ZFP64: variants seen among roughly 807,000 people sequenced by gnomAD.
The protein encoded by ZFP64 is zinc finger protein 64.
Under a neutral mutation model 51.6 loss-of-function variants are expected in ZFP64, and 14 were observed. The ratio of observed to expected loss-of-function variants is 0.27; its 90% CI spans 0.18 to 0.42. The LOEUF is 0.42. Ranked by LOEUF, ZFP64 falls within the 10% of genes least tolerant of loss-of-function variation. The probability of loss-of-function intolerance (pLI) is 1.00; values close to 1 mark genes in which losing one functional copy is unlikely to be tolerated. For missense variants in ZFP64, 754 were observed against 906.8 expected (o/e 0.83, Z 2.16); for synonymous variants, 375 against 361.4 (o/e 1.04, Z -0.43).
chr20:52,186,728 C>A, intron 2 of ZFP64, 104 bp downstream of exon 2: 1 of 1,475,730 alleles, frequency 6.8e-7, no homozygotes, highest in Non-Finnish European at 9.1e-7. Context: ...ATCAGCAACC[C>A]TAGGGGGTGG....
At chr20:52,144,734 A>G (rs1371246895) in intron 5 of ZFP64, among the ~76,000 whole-genome samples, 1 of 151,920 alleles carries the variant, frequency 6.6e-6, no homozygotes, top group Non-Finnish European at 1.5e-5. Flanking sequence ...CTAAAAATAC[A>G]ACAATAAAAA....
At chr20:52,098,994 T>A (rs181619449) in intron 5 of ZFP64, among the ~76,000 whole-genome samples, 1 of 135,284 alleles carries the variant, frequency 7.4e-6, no homozygotes, top group Non-Finnish European at 1.5e-5. Flanking sequence ...AGAGCAAGAC[T>A]CTGTCTTTAC....
chr20:52,133,156 C>T (rs1979801889), intron 5 of ZFP64, among the ~76,000 whole-genome samples: 2 of 152,236 alleles, frequency 1.3e-5, no homozygotes, highest in South Asian at 4.2e-4. Flanking sequence ...AATTCAGCAT[C>T]CCTTCATGAT....
intron 5 of ZFP64, among the ~76,000 whole-genome samples, chr20:52,155,065 A>T (rs1981193157): frequency 6.6e-6 from 1 of 152,234 alleles, no homozygotes; most frequent in Non-Finnish European, 1.5e-5. Flanking sequence ...TAGGAATATA[A>T]AAGAAACTAA....
At chr20:52,126,434 A>T (rs1194841184) in intron 5 of ZFP64, among the ~76,000 whole-genome samples, 4 of 152,166 alleles carry the variant, frequency 2.6e-5, no homozygotes. Context: ...GGGCCTGTTT[A>T]AAACTACAAC....
At chr20:52,170,230 T>C (rs930225394) in intron 2 of ZFP64, among the ~76,000 whole-genome samples, 5 of 151,922 alleles carry the variant, frequency 3.3e-5, no homozygotes, top group African/African-American at 1.2e-4. Flanking sequence ...GGTGGGCGGA[T>C]CATTTGAGGT....
chr20:52,097,254 C>G lies in ZFP64; in HGVS notation c.976+119G>C. 7 of 1,231,880 alleles carry G rather than the reference C, an allele frequency of 5.7e-6. No homozygotes were observed. The South Asian group carries it at 8.6e-5, about 15-fold the overall frequency. 76.3% of individuals were successfully genotyped at this position (1,231,880 alleles called of 1,614,324 possible). A position where few individuals can be genotyped will look rare whatever the true frequency, so the allele number is the denominator to read the frequency against. ...CTTCTCCCAAGCCCACCCCACTAGA[C>G]TGAGTTTCATGAGGCAGATGAGGCA... On this transcript the variant is annotated intron_variant, in intron 7 of 8. Coordinates refer to the ZFP64 transcript ENST00000361387.
chr20:52,179,504 G>A (rs2123104568), intron 2 of ZFP64, among the ~76,000 whole-genome samples: 1 of 152,330 alleles, frequency 6.6e-6, no homozygotes, highest in East Asian at 1.9e-4. Flanking sequence ...GGTGTGTTGG[G>A]TGGTGGGAAA....
intron 5 of ZFP64, among the ~76,000 whole-genome samples, chr20:52,109,793 A>G (rs1217544205): frequency 6.6e-6 from 1 of 151,584 alleles, no homozygotes; most frequent in Non-Finnish European, 1.5e-5. Context: ...AAAAAAAAAA[A>G]AAAAAAAAAG....
At position 52,152,473 on chromosome 20, in the gene ZFP64, G is replaced by A. The variant is rs755564775; in HGVS notation, c.1719C>T (p.Thr573=). 6.2e-7 allele frequency: 1 copy of A among 1,613,114 alleles called. No homozygotes were observed. Among genetic ancestry groups the A allele is most frequent in the East Asian group, 2.2e-5 (1 of 44,872 alleles). ...GAGTGGCTCCGTCCGTCTGCTCGTGGGTGGTCAGCAGGACAGCCGGCTGGG... is the reference window on the plus strand; with the variant it reads ...GAGTGGCTCCGTCCGTCTGCTCGTGAGTGGTCAGCAGGACAGCCGGCTGGG... ...AMTQPAVLLT[T]HEQTDGATLH... is the part of the protein sequence containing the mutation. Residue 573 remains threonine (T), a synonymous_variant, in exon 6 of 6, where the codon ACC becomes ACT. Transcript: ENST00000216923.
intron 2 of ZFP64, among the ~76,000 whole-genome samples, chr20:52,181,738 G>A (rs62215775): frequency 0.079 from 11,967 of 152,102 alleles, 539 homozygotes; most frequent in Non-Finnish European, 0.1. Context: ...CCTGAGCCTC[G>A]GCTCCAGACA....
rs149401768 is a variant in ZFP64, at chr20:52,093,420, G to A, written c.976+3953C>T. Among the ~76,000 whole-genome samples the A allele has an allele frequency of 2.2e-4, 34 of 152,362 alleles. No individual in the cohort carries two copies. In the Middle Eastern group the frequency reaches 0.014, roughly 61 times the overall value. The stretch of plus-strand genomic sequence containing the variant: ...CTCTGAAAGTGCTGGGATTACAGGC[G>A]TGAGCCACTGCGCCCAGCCATCAGG... On this transcript the variant is annotated intron_variant, in intron 7 of 8. Coordinates refer to the ZFP64 transcript ENST00000361387.
intron 3 of ZFP64, chr20:52,165,296 A>G (rs1194300412): frequency 2.2e-6 from 1 of 456,278 alleles, no homozygotes; most frequent in Admixed American, 2.3e-5. Context: ...TTAAAAGAAT[A>G]TTCTGGTTTT....
At chr20:52,109,408 C>T (rs1275415309) in intron 5 of ZFP64, among the ~76,000 whole-genome samples, 3 of 151,850 alleles carry the variant, frequency 2.0e-5, no homozygotes, top group Non-Finnish European at 4.4e-5. Flanking sequence ...GTGATCTGCC[C>T]GCCTCGGCCT....
intron 5 of ZFP64, among the ~76,000 whole-genome samples, chr20:52,136,138 G>C (rs1405713269): frequency 1.1e-4 from 9 of 81,996 alleles, no homozygotes; most frequent in South Asian, 4.1e-4. Flanking sequence ...CCAAAAAAAA[G>C]AACAACAACA....
chr20:52,171,184 C>T (rs1380839432), intron 2 of ZFP64, among the ~76,000 whole-genome samples: 3 of 152,164 alleles, frequency 2.0e-5, no homozygotes, highest in African/African-American at 4.8e-5. Context: ...TTCCCACACA[C>T]GTGGCCTTTC....
intron 5 of ZFP64, among the ~76,000 whole-genome samples, chr20:52,138,322 T>A (rs2122902554): frequency 6.6e-6 from 1 of 152,152 alleles, no homozygotes; most frequent in Middle Eastern, 3.4e-3. Context: ...CAAACTTTAA[T>A]AAATAGCAAA....
At chr20:52,132,101 A>G (rs1438918084) in intron 5 of ZFP64, among the ~76,000 whole-genome samples, 2 of 152,226 alleles carry the variant, frequency 1.3e-5, no homozygotes, top group African/African-American at 4.8e-5. Flanking sequence ...CTGGAAATTA[A>G]ACAACATGCT....
exon 9 of ZFP64, chr20:52,084,752 G>A: frequency 6.2e-7 from 1 of 1,614,268 alleles, no homozygotes; most frequent in Non-Finnish European, 8.5e-7. Flanking sequence ...AGGTCTCACA[G>A]CGGAAGGCCC....
Sources: allele counts gnomAD v4.1 joint callset (sites outside exome capture counted in the v4.1 genomes callset), GRCh38; gene constraint gnomAD v4.1.1; transcripts MANE v1.5; gene names NCBI Gene and HGNC (gene_info 2026-07-23, HGNC 2026-07-21).